The following HEMK2 variants were observed in gnomAD, a reference collection of about 807,000 sequenced individuals.
HEMK2 encodes HemK methyltransferase 2, ETF1 glutamine and histone H4 lysine.
the HEMK2 span, among the ~76,000 whole-genome samples, chr21:28,647,400 C>A: frequency 6.9e-6 from 1 of 144,920 alleles, no homozygotes; most frequent in Admixed American, 7.0e-5. Flanking sequence ...CCCAGCTACT[C>A]AGGAGGCTGA....
the HEMK2 span, among the ~76,000 whole-genome samples, chr21:28,767,883 T>C: frequency 6.6e-6 from 1 of 151,950 alleles, no homozygotes; most frequent in Non-Finnish European, 1.5e-5. Flanking sequence ...GGCTGGCAAG[T>C]CCTGTGAGAA....
At chr21:28,698,723 T>C in the HEMK2 span, among the ~76,000 whole-genome samples, 2 of 152,312 alleles carry the variant, frequency 1.3e-5, no homozygotes, top group Admixed American at 1.3e-4. Flanking sequence ...AGCAAACATA[T>C]TTTCACTGAT....
At chr21:28,723,482 C>T in the HEMK2 span, among the ~76,000 whole-genome samples, 1 of 152,152 alleles carries the variant, frequency 6.6e-6, no homozygotes, top group African/African-American at 2.4e-5. Context: ...CTCTCTGTTA[C>T]TTATTACCCT....
the HEMK2 span, among the ~76,000 whole-genome samples, chr21:28,692,205 A>G: frequency 3.0e-3 from 458 of 152,278 alleles, 5 homozygotes; most frequent in Non-Finnish European, 2.0e-3. Flanking sequence ...CTATGATTCC[A>G]TATGCATTAT....
At chr21:28,878,186 T>C in the HEMK2 span, 23 of 1,564,238 alleles carry the variant, frequency 1.5e-5, no homozygotes, top group South Asian at 2.7e-4. Context: ...AATTGGTCTG[T>C]ATTACCTGGG....
chr21:28,586,913 CAA>C, the HEMK2 span, among the ~76,000 whole-genome samples: 3 of 152,166 alleles, frequency 2.0e-5, no homozygotes, highest in African/African-American at 7.2e-5. Flanking sequence ...AATCACCTCC[CAA>C]AAGGTTCTAC....
At chr21:28,617,530 A>G in the HEMK2 span, among the ~76,000 whole-genome samples, 1 of 152,178 alleles carries the variant, frequency 6.6e-6, no homozygotes, top group South Asian at 2.1e-4. Context: ...TAGTCACAAT[A>G]CTATGAGTTC....
chr21:28,808,527 T>C, the HEMK2 span, among the ~76,000 whole-genome samples: 3 of 152,210 alleles, frequency 2.0e-5, no homozygotes, highest in East Asian at 1.9e-4. Context: ...GAACATGGTA[T>C]ATCTCCTTTT....
chr21:28,882,438 A>G, the HEMK2 span, among the ~76,000 whole-genome samples: 1 of 152,230 alleles, frequency 6.6e-6, no homozygotes, highest in Non-Finnish European at 1.5e-5. Context: ...AGACTGTTAT[A>G]TTGATACAAT....
At chr21:28,612,170 C>A in the HEMK2 span, among the ~76,000 whole-genome samples, 1 of 148,914 alleles carries the variant, frequency 6.7e-6, no homozygotes, top group Non-Finnish European at 1.5e-5. Context: ...ATGCAAAAAT[C>A]CTCAAAAAAA....
At chr21:28,784,232 G>A in the HEMK2 span, among the ~76,000 whole-genome samples, 1 of 152,254 alleles carries the variant, frequency 6.6e-6, no homozygotes, top group Non-Finnish European at 1.5e-5. Flanking sequence ...GAGTCTAGTG[G>A]GGACTTGGAG....
the HEMK2 span, among the ~76,000 whole-genome samples, chr21:28,861,709 C>T: frequency 6.6e-6 from 1 of 152,112 alleles, no homozygotes; most frequent in Non-Finnish European, 1.5e-5. Flanking sequence ...AACTAGGTGA[C>T]AATACTTTGC....
At chr21:28,859,166 G>A in the HEMK2 span, among the ~76,000 whole-genome samples, 1 of 152,164 alleles carries the variant, frequency 6.6e-6, no homozygotes, top group Admixed American at 6.5e-5. Flanking sequence ...GACATACCTG[G>A]TGTGTATCTC....
the HEMK2 span, among the ~76,000 whole-genome samples, chr21:28,659,918 C>A: frequency 2.6e-5 from 4 of 152,050 alleles, no homozygotes; most frequent in African/African-American, 9.7e-5. Flanking sequence ...GAACCTAAAT[C>A]AATTTGGGGA....
the HEMK2 span, among the ~76,000 whole-genome samples, chr21:28,664,348 T>C: frequency 6.6e-6 from 1 of 152,188 alleles, no homozygotes; most frequent in Non-Finnish European, 1.5e-5. Context: ...GTATAAATTG[T>C]GTCATATGTT....
the HEMK2 span, among the ~76,000 whole-genome samples, chr21:28,838,996 T>TATATATATATATATATAC: frequency 1.7e-5 from 1 of 60,534 alleles, no homozygotes; most frequent in East Asian, 8.4e-4. Flanking sequence ...TATATATATA[T>TATATATATATATATATAC]ATATACATAT....
the HEMK2 span, among the ~76,000 whole-genome samples, chr21:28,781,355 CAGA>C: frequency 1.3e-5 from 2 of 152,152 alleles, no homozygotes; most frequent in African/African-American, 4.8e-5. Context: ...TTACTTCTCC[CAGA>C]AGGATCATTG....
At chr21:28,578,595 C>T in the HEMK2 span, among the ~76,000 whole-genome samples, 13 of 152,202 alleles carry the variant, frequency 8.5e-5, no homozygotes, top group Middle Eastern at 3.4e-3. Flanking sequence ...TTGAGGTGTC[C>T]CCCTGGATCC....
chr21:28,779,944 C>T, the HEMK2 span, among the ~76,000 whole-genome samples: 1 of 152,100 alleles, frequency 6.6e-6, no homozygotes, highest in Admixed American at 6.5e-5. Flanking sequence ...TCTTTTGTTG[C>T]TACATTATTT....
Sources: gnomAD v4.1 joint callset for allele counts (sites outside exome capture counted in the v4.1 genomes callset) on GRCh38, gnomAD v4.1.1 for gene constraint, MANE v1.5 for transcripts, NCBI Gene and HGNC (gene_info 2026-07-23, HGNC 2026-07-21) for gene names.